FYCO1: variants seen among roughly 807,000 people sequenced by gnomAD.
FYCO1 encodes the protein FYVE and coiled-coil domain-containing protein 1.
In FYCO1, 122 loss-of-function variants were observed where a neutral mutation model predicts 165.1. The ratio of observed to expected loss-of-function variants is 0.74; its 90% CI spans 0.64 to 0.86. The LOEUF is 0.86. Among genes scored for constraint, FYCO1 ranks in the 40% least tolerant of loss-of-function variants. FYCO1 has a pLI of 0.00. For missense variants in FYCO1, 1,702 were observed against 1,810.3 expected, an observed-to-expected ratio of 0.94 and a Z score of 1.09; for synonymous variants, 648 against 742.5, an observed-to-expected ratio of 0.87 and a Z score of 2.07.
At chr3:45,941,583 G>T (rs1451749419) in intron 14 of FYCO1, among the ~76,000 whole-genome samples, 1 of 152,216 alleles carries the variant, frequency 6.6e-6, no homozygotes, top group African/African-American at 2.4e-5. Flanking sequence ...AAGTGGCTCA[G>T]CTCCTCAAAT....
rs375320867 is a variant in FYCO1 at position 45,964,316 on chromosome 3, G to A, written c.3269+20C>T. 6.4e-6 allele frequency: 10 copies of A among 1,557,694 alleles called. No homozygotes were observed. Among genetic ancestry groups the A allele is most frequent in the African/African-American group, 1.4e-5 (1 of 73,852 alleles). On this transcript the variant is annotated intron_variant, in intron 10 of 17. Coordinates refer to ENST00000296137, the MANE Select transcript of FYCO1 (RefSeq NM_024513.4). The surrounding 1 kb of genome is among the most constrained non-coding windows in gnomAD (Gnocchi z 4.1). ...TTCCCTGAAGACTACCGACAGCTACGTAGGTGGACTGTGACTAACCTTTCT... is the reference window on the plus strand; with the variant it reads ...TTCCCTGAAGACTACCGACAGCTACATAGGTGGACTGTGACTAACCTTTCT...
At chr3:45,950,952 T>A (rs994569772) in intron 14 of FYCO1, among the ~76,000 whole-genome samples, 1 of 152,204 alleles carries the variant, frequency 6.6e-6, no homozygotes, top group Non-Finnish European at 1.5e-5. Flanking sequence ...AATCTCCTGG[T>A]GGGTGACAAA....
chr3:45,961,660 T>A (rs1705701354), intron 11 of FYCO1, among the ~76,000 whole-genome samples: 1 of 151,840 alleles, frequency 6.6e-6, no homozygotes, highest in African/African-American at 2.4e-5. Flanking sequence ...ATGGATGAAA[T>A]GATATGTCTG....
chr3:45,933,575 C>T (rs1703738176), intron 15 of FYCO1, among the ~76,000 whole-genome samples: 2 of 152,074 alleles, frequency 1.3e-5, no homozygotes, highest in South Asian at 4.1e-4. Flanking sequence ...TTTCCCTGTT[C>T]TTTCCCATTA....
chr3:45,990,314 A>G (rs1707503825), intron 1 of FYCO1, among the ~76,000 whole-genome samples: 1 of 152,222 alleles, frequency 6.6e-6, no homozygotes, highest in Non-Finnish European at 1.5e-5. Context: ...GAAAAGGGGC[A>G]GTGGGTGGAG....
At chr3:45,936,981 A>G (rs11130079) in intron 14 of FYCO1, among the ~76,000 whole-genome samples, 145,589 of 152,286 alleles carry the variant, frequency 0.96, 69,659 homozygotes, top group East Asian at 1. Flanking sequence ...CCCAGGGGAG[A>G]TTTTTAACAC....
intron 5 of FYCO1, 129 bp from the exon 6 acceptor site, chr3:45,973,360 C>T: frequency 1.2e-6 from 1 of 855,000 alleles, no homozygotes; most frequent in Non-Finnish European, 1.9e-6. Flanking sequence ...GGCACACAAA[C>T]CAATTTCATT....
chr3:45,931,412 T>C, intron 15 of FYCO1, 131 bp from the exon 16 acceptor site: 2 of 798,004 alleles, frequency 2.5e-6, no homozygotes, highest in Non-Finnish European at 4.2e-6. Flanking sequence ...TGGGTAACCT[T>C]GGCCAACATG....
rs912267066 is a variant in FYCO1, at chr3:45,993,321, T to C, written c.-113+2401A>G. Among the ~76,000 whole-genome samples the C allele has an allele frequency of 1.3e-5, 2 of 152,218 alleles. No individual in the cohort carries two copies. Among genetic ancestry groups the C allele is most frequent in the Non-Finnish European group, 2.9e-5 (2 of 68,028 alleles). On this transcript the variant is annotated intron_variant, in intron 1 of 17. Transcript: ENST00000296137. This position sits in a 1 kb window ranked among gnomAD's most constrained non-coding sequence, Gnocchi z 4.4. ...GCCTAACTGAGCACAGCTTCTGCCATCATCCTCTTCTCAAAGCCATGGGGC... is the reference window on the plus strand; with the variant it reads ...GCCTAACTGAGCACAGCTTCTGCCACCATCCTCTTCTCAAAGCCATGGGGC...
chr3:45,960,592 C>T (rs1705648296), intron 11 of FYCO1, among the ~76,000 whole-genome samples: 1 of 152,198 alleles, frequency 6.6e-6, no homozygotes, highest in Non-Finnish European at 1.5e-5. Flanking sequence ...TGAGTTCTAA[C>T]TCTGTATATT....
In FYCO1 at chr3:45,923,671, T is replaced by A; in HGVS notation, c.4346A>T (p.Asp1449Val). 6.2e-7 allele frequency: 1 copy of A among 1,613,158 alleles called. No individual in the cohort carries two copies. The highest frequency in any genetic ancestry group is 8.5e-7 in the Non-Finnish European group (1 of 1,179,062). Residue 1449 changes from aspartate to valine, a missense_variant, in exon 17 of 18, where the codon GAC (aspartate) becomes GTC (valine). Asp to Val is a radical substitution (Grantham distance 152). Coordinates refer to ENST00000296137, the MANE Select transcript of FYCO1 (RefSeq NM_024513.4). ...GTGGCCCTACCTTGAGAAGGTATTG[T>A]CGAAGATGAGCATGTAGATGCCGGG... Reference protein sequence around the residue: ...RTPGIYMLIFDNTFSRFVSKK... With the variant: ...RTPGIYMLIFVNTFSRFVSKK...
rs768251531 is a variant in FYCO1 at position 45,989,678 on chromosome 3, G to A, written c.-112-4656C>T. 1.2e-4 allele frequency among the ~76,000 whole-genome samples: 18 copies of A among 152,168 alleles called. 1 individual carries two copies. Among genetic ancestry groups the A allele is most frequent in the South Asian group, 2.1e-4 (1 of 4,832 alleles). Reference sequence around the variant, plus strand: ...TTTCATAAAGGGAATGAGAACTTGAGGCTTTGCCATGGCTTCTTCAACCTT... The same window carrying A: ...TTTCATAAAGGGAATGAGAACTTGAAGCTTTGCCATGGCTTCTTCAACCTT... On this transcript the variant is annotated intron_variant, in intron 1 of 17. Coordinates refer to ENST00000296137, the MANE Select transcript of FYCO1 (RefSeq NM_024513.4).
intron 6 of FYCO1, 112 bp downstream of exon 6, chr3:45,972,976 G>C: frequency 9.4e-7 from 1 of 1,060,870 alleles, no homozygotes; most frequent in Non-Finnish European, 1.4e-6. Flanking sequence ...AGTTGAACAG[G>C]TTTGTGTAAT....
At chr3:45,947,496 A>C (rs1327093243) in intron 14 of FYCO1, 1 of 1,613,568 alleles carries the variant, frequency 6.2e-7, no homozygotes, top group Non-Finnish European at 8.5e-7. Context: ...GGCCACCAGC[A>C]TGTTCCAGTT....
chr3:45,967,759 C>T lies in FYCO1; in HGVS notation c.1575G>A (p.Val525=). ...LQFLETQLAQ[V]SQHVSDLEEQ... Reference sequence around the variant, plus strand: ...CCTCCAGGTCACTCACATGTTGGCTCACCTGTGCCAGCTGGGTCTCCAGGA... The same window carrying T: ...CCTCCAGGTCACTCACATGTTGGCTTACCTGTGCCAGCTGGGTCTCCAGGA... Residue 525 remains valine (V), a synonymous_variant, in exon 8 of 18, where the codon GTG becomes GTA. Transcript: ENST00000296137. 1.2e-6 allele frequency: 2 copies of T among 1,613,528 alleles called. No homozygotes were observed. Among genetic ancestry groups the T allele is most frequent in the Non-Finnish European group, 1.7e-6 (2 of 1,180,032 alleles).
intron 14 of FYCO1, among the ~76,000 whole-genome samples, chr3:45,944,387 G>C (rs1471202154): frequency 6.6e-6 from 1 of 152,106 alleles, no homozygotes; most frequent in African/African-American, 2.4e-5. Flanking sequence ...TGTTTACACT[G>C]TTCTTAGCAA....
rs1019096141 is a variant in FYCO1 at position 45,985,075 on chromosome 3, C to T, written c.-112-53G>A. The T allele has an allele frequency of 8.8e-5, 64 of 728,256 alleles. No individual in the cohort carries two copies. The East Asian group carries it at 1.2e-3, about 14-fold the overall frequency. The allele number at this position is 728,256 out of a possible 1,614,324, so 45.1% of individuals were successfully genotyped here. On this transcript the variant is annotated intron_variant, in intron 1 of 17. Coordinates refer to ENST00000296137, the MANE Select transcript of FYCO1 (RefSeq NM_024513.4). ...GGAAGCAGATACAGACACAATTTAACGACAATATTAGAGAACTCTGCTCTG... is the reference window on the plus strand; with the variant it reads ...GGAAGCAGATACAGACACAATTTAATGACAATATTAGAGAACTCTGCTCTG...
intron 1 of FYCO1, among the ~76,000 whole-genome samples, chr3:45,992,764 C>T (rs988816663): frequency 7.9e-5 from 12 of 152,162 alleles, no homozygotes; most frequent in Admixed American, 2.6e-4. Flanking sequence ...CTGCTCCTGA[C>T]CAAGTCTACA....
At chr3:45,947,056 T>C (rs778813203) in intron 14 of FYCO1, 4 of 1,614,244 alleles carry the variant, frequency 2.5e-6, no homozygotes, top group Non-Finnish European at 3.4e-6. Context: ...ACTGTGGTTC[T>C]TGCCACCCAG....
Sources: gnomAD v4.1 joint callset for allele counts (sites outside exome capture counted in the v4.1 genomes callset) on GRCh38, gnomAD v4.1.1 for gene constraint, Gnocchi (gnomAD v3.1) non-coding constraint, MANE v1.5 for transcripts, NCBI Gene and HGNC (gene_info 2026-07-23, HGNC 2026-07-21) for gene names.